The following LRRC41 variants were observed in gnomAD, a reference collection of about 807,000 sequenced individuals.
LRRC41 encodes the protein leucine rich repeat containing 41.
A neutral mutation model predicts 72.1 loss-of-function variants in LRRC41; 17 were observed. The observed-to-expected ratio is 0.24, with a 90% CI of 0.16 to 0.35. The LOEUF (loss-of-function observed/expected upper bound fraction) is 0.35. Ranked by LOEUF, LRRC41 falls within the 10% of genes least tolerant of loss-of-function variation. The pLI is 1.00. For missense variants in LRRC41, 759 were observed against 1,065.0 expected (o/e 0.71, Z 4.00); for synonymous variants, 427 against 431.0 (o/e 0.99, Z 0.11).
At chr1:46,281,058 T>C in intron 5 of LRRC41, 67 bp downstream of exon 5, 3 of 1,579,352 alleles carry the variant, frequency 1.9e-6, no homozygotes, top group Non-Finnish European at 2.6e-6. Context: ...CCCATACGAA[T>C]GCATCTGCAC....
At position 46,302,145 on chromosome 1, in the gene LRRC41, C is replaced by T. The variant is rs1369644980; in HGVS notation, c.199+979G>A. The T allele has an allele frequency of 3.0e-6, 3 of 985,238 alleles. No individual in the cohort carries two copies. The highest frequency in any genetic ancestry group is 1.7e-5 in the African/African-American group (1 of 57,234). 61.0% of individuals were successfully genotyped at this position (985,238 alleles called of 1,614,324 possible). On this transcript the variant is annotated intron_variant, in intron 1 of 9. Transcript: ENST00000617190. This position sits in a 1 kb window ranked among gnomAD's most constrained non-coding sequence, Gnocchi z 4.7. ...CCCCAGGCCGCCCTCCATCCAGGCCCGGCCCTTTGGTCCCGGCCGCCTTCA... is the reference window on the plus strand; with the variant it reads ...CCCCAGGCCGCCCTCCATCCAGGCCTGGCCCTTTGGTCCCGGCCGCCTTCA...
chr1:46,279,496 G>GCGGTTCC lies in LRRC41; in HGVS notation c.2132_2138dup (p.Leu714GlufsTer85). ...TCCCCAGGGTCTGGCCCCCACCCAG[G>GCGGTTCC]CGGTTCCCTGGCAGCCGGAGGCCCT... On this transcript the variant is annotated frameshift_variant, in exon 8 of 10. Transcript: ENST00000617190. LOFTEE classifies it high-confidence loss of function. The surrounding 1 kb of genome is among the most constrained non-coding windows in gnomAD (Gnocchi z 4.5). 6.2e-7 allele frequency: 1 copy of GCGGTTCC among 1,614,194 alleles called. No individual in the cohort carries two copies. Among genetic ancestry groups the GCGGTTCC allele is most frequent in the Non-Finnish European group, 8.5e-7 (1 of 1,180,034 alleles).
At position 46,300,406 on chromosome 1, in the gene LRRC41, A is replaced by G. The variant is rs1462101670; in HGVS notation, c.200-2036T>C. On this transcript the variant is annotated intron_variant, in intron 1 of 9. Coordinates refer to ENST00000617190, the MANE Select transcript of LRRC41 (RefSeq NM_006369.5). Reference sequence around the variant, plus strand: ...CCAGGGTCTCTTTTTATCTTTACTTACAGAATAACTGAATCTTGACATCCA... The same window carrying G: ...CCAGGGTCTCTTTTTATCTTTACTTGCAGAATAACTGAATCTTGACATCCA... The G allele has an allele frequency of 2.0e-5, 3 of 152,216 alleles. No individual in the cohort carries two copies. The East Asian group carries it at 5.8e-4, about 29-fold the overall frequency. The allele number at this position is 152,216 out of a possible 1,614,324, so 9.4% of individuals were successfully genotyped here.
chr1:46,290,858 T>G (rs1277631886), intron 3 of LRRC41, among the ~76,000 whole-genome samples: 1 of 151,384 alleles, frequency 6.6e-6, no homozygotes, highest in Non-Finnish European at 1.5e-5. Context: ...TCCACCTGCC[T>G]TGGCCTCCCA....
In LRRC41 at chr1:46,285,093, A is replaced by C; in HGVS notation, c.1495+269T>G. On this transcript the variant is annotated intron_variant, in intron 4 of 9. Transcript: ENST00000617190. The surrounding 1 kb of genome is among the most constrained non-coding windows in gnomAD (Gnocchi z 5.3). ...CCCACCTGCCCTTGGACTGCCTTCC[A>C]TATCTAAAATGTATTCATTCTTCAG... is the stretch of plus-strand genomic sequence containing the variant. 1 of 503,054 alleles carries C rather than the reference A, an allele frequency of 2.0e-6. No homozygotes were observed. Among genetic ancestry groups the C allele is most frequent in the South Asian group, 2.2e-5 (1 of 45,232 alleles). 31.2% of individuals were successfully genotyped at this position (503,054 alleles called of 1,614,324 possible).
intron 3 of LRRC41, among the ~76,000 whole-genome samples, chr1:46,289,005 A>G (rs1398155134): frequency 1.3e-5 from 2 of 152,222 alleles, no homozygotes; most frequent in Non-Finnish European, 1.5e-5. Flanking sequence ...GATGGTTATT[A>G]CAATATCTGT....
Position 46,278,086 on chromosome 1 carries a change from G to T in LRRC41, c.*779C>A. The T allele has an allele frequency of 6.2e-7, 1 of 1,614,106 alleles. No homozygotes were observed. On this transcript the variant is annotated 3_prime_UTR_variant, in exon 10 of 10. Transcript: ENST00000617190. Reference sequence around the variant, plus strand: ...TCTGTCCCTAGGTTGCACTGCCGACGTTGTGTCAACAGCCGTCAGATCCGG... The same window carrying T: ...TCTGTCCCTAGGTTGCACTGCCGACTTTGTGTCAACAGCCGTCAGATCCGG...
chr1:46,301,819 G>C (rs1368941068), intron 1 of LRRC41, among the ~76,000 whole-genome samples: 1 of 151,550 alleles, frequency 6.6e-6, no homozygotes, highest in African/African-American at 2.4e-5. Context: ...CCCGGGGCCT[G>C]CTCTCCTGCC....
intron 4 of LRRC41, among the ~76,000 whole-genome samples, chr1:46,283,449 T>C (rs1660821392): frequency 6.6e-6 from 1 of 152,168 alleles, no homozygotes; most frequent in Non-Finnish European, 1.5e-5. Context: ...GGAAACCCTG[T>C]CCTTACTAAA....
At position 46,277,562 on chromosome 1, in the gene LRRC41, A is replaced by T; in HGVS notation, c.*1303T>A. On this transcript the variant is annotated 3_prime_UTR_variant, in exon 10 of 10. Transcript: ENST00000617190. ...ACAAACCTCAGTTCACCCTGACGGG[A>T]TTTAGCCAGGCCCTGGGACCCTTCA... The T allele has an allele frequency of 1.9e-6, 1 of 530,392 alleles. No homozygotes were observed. Among genetic ancestry groups the T allele is most frequent in the South Asian group, 2.1e-5 (1 of 48,050 alleles). The allele number at this position is 530,392 out of a possible 1,614,324, so 32.9% of individuals were successfully genotyped here. A position where few individuals can be genotyped will look rare whatever the true frequency, so the allele number is the denominator to read the frequency against.
intron 3 of LRRC41, among the ~76,000 whole-genome samples, chr1:46,292,724 A>G (rs918245213): frequency 2.0e-5 from 3 of 152,112 alleles, no homozygotes; most frequent in East Asian, 3.8e-4. Context: ...TGTTTTGCAA[A>G]TATTGTTGCA....
Position 46,278,409 on chromosome 1 carries a change from C to T in LRRC41, c.*456G>A. The stretch of plus-strand genomic sequence containing the variant: ...ATCAAGAAGGGCTGCATGATGTTTG[C>T]CCAAAATTTATTTTATAAGAAAAAC... On this transcript the variant is annotated 3_prime_UTR_variant, in exon 10 of 10. Transcript: ENST00000617190. The T allele has an allele frequency of 9.0e-7, 1 of 1,114,734 alleles. No homozygotes were observed. Among genetic ancestry groups the T allele is most frequent in the Non-Finnish European group, 1.3e-6 (1 of 770,884 alleles). 69.1% of individuals were successfully genotyped at this position (1,114,734 alleles called of 1,614,324 possible).
In LRRC41 at chr1:46,302,829, A is replaced by AATCCAGCCTCAGTCGCCCGG; in HGVS notation, c.199+275_199+294dup. On this transcript the variant is annotated intron_variant, in intron 1 of 9. Transcript: ENST00000617190. This position sits in a 1 kb window ranked among gnomAD's most constrained non-coding sequence, Gnocchi z 4.7. ...GTCAGTTCGCGCGGCCCACAGCCGC[A>AATCCAGCCTCAGTCGCCCGG]ATCCAGCCTCAGTCGCCCGGGCCCA... 1 of 984,734 alleles carries AATCCAGCCTCAGTCGCCCGG rather than the reference A, an allele frequency of 1.0e-6. No homozygotes were observed. The highest frequency in any genetic ancestry group is 1.2e-6 in the Non-Finnish European group (1 of 829,762). 61.0% of individuals were successfully genotyped at this position (984,734 alleles called of 1,614,324 possible).
At chr1:46,283,133 G>C (rs1660814552) in intron 4 of LRRC41, among the ~76,000 whole-genome samples, 2 of 152,032 alleles carry the variant, frequency 1.3e-5, no homozygotes, top group East Asian at 1.9e-4. Context: ...TGAATGACAG[G>C]GTCATTTTTG....
In LRRC41 at chr1:46,302,290, G is replaced by C. The variant is rs996197697; in HGVS notation, c.199+834C>G. 1.0e-6 allele frequency: 1 copy of C among 985,294 alleles called. No homozygotes were observed. The highest frequency in any genetic ancestry group is 1.2e-6 in the Non-Finnish European group (1 of 829,864). 61.0% of individuals were successfully genotyped at this position (985,294 alleles called of 1,614,324 possible). A position where few individuals can be genotyped will look rare whatever the true frequency, so the allele number is the denominator to read the frequency against. The stretch of plus-strand genomic sequence containing the variant: ...CCGTCGCCCCGCTTGGGGCCTCCTT[G>C]GCCCTTCCCGCCTGTCCGTCATTCG... On this transcript the variant is annotated intron_variant, in intron 1 of 9. Transcript: ENST00000617190. This position sits in a 1 kb window ranked among gnomAD's most constrained non-coding sequence, Gnocchi z 4.7.
rs778686908 is a variant in LRRC41 at position 46,285,881 on chromosome 1, T to C, written c.976A>G (p.Ser326Gly). 3.8e-6 allele frequency: 6 copies of C among 1,563,564 alleles called. No individual in the cohort carries two copies. The highest frequency in any genetic ancestry group is 2.0e-5 in the Admixed American group (1 of 50,770). ...CCTGCTGTCAGGCTCTCCTGTGTGC[T>C]CCGGCGTGTTACCCGAGTGGCAGGT... ...AAPATRVTRR[S>G]TQESLTAGGT... The change falls in exon 4 of 10, where the codon AGC becomes GGC. Residue 326 changes from serine (S) to glycine (G), a missense_variant. By Grantham distance (56) the Ser-to-Gly change is moderately conservative. Coordinates refer to ENST00000617190, the MANE Select transcript of LRRC41 (RefSeq NM_006369.5). The surrounding 1 kb of genome is among the most constrained non-coding windows in gnomAD (Gnocchi z 5.3).
chr1:46,281,066 C>G, intron 5 of LRRC41, 59 bp downstream of exon 5: 1 of 1,591,920 alleles, frequency 6.3e-7, no homozygotes, highest in Non-Finnish European at 8.6e-7. Context: ...AATGCATCTG[C>G]ACCTTTGTGT....
In LRRC41 at chr1:46,277,929, T is replaced by C; in HGVS notation, c.*936A>G. On this transcript the variant is annotated 3_prime_UTR_variant, in exon 10 of 10. Coordinates refer to ENST00000617190, the MANE Select transcript of LRRC41 (RefSeq NM_006369.5). Reference sequence around the variant, plus strand: ...GAGCGCCACTTCTCTCTGGGCGAGTTGAAGGAGCTGTTTATCCTGGATGAA... The same window carrying C: ...GAGCGCCACTTCTCTCTGGGCGAGTCGAAGGAGCTGTTTATCCTGGATGAA... 6.2e-7 allele frequency: 1 copy of C among 1,614,092 alleles called. No homozygotes were observed. The highest frequency in any genetic ancestry group is 8.5e-7 in the Non-Finnish European group (1 of 1,180,018).
Position 46,285,510 on chromosome 1 carries a change from C to T in LRRC41, c.1347G>A (p.Gly449=), listed in dbSNP as rs1245328025. 1 of 1,614,138 alleles carries T rather than the reference C, an allele frequency of 6.2e-7. No homozygotes were observed. The highest frequency in any genetic ancestry group is 1.7e-5 in the Admixed American group (1 of 60,030). ...ALDGSDPSCL[G]LPALEASQRF... is the part of the protein sequence containing the mutation. ...TTTGTGAAGCTTCCAGTGCTGGAAGCCCCAGGCAGCTGGGATCTGATCCAT... is the reference window on the plus strand; with the variant it reads ...TTTGTGAAGCTTCCAGTGCTGGAAGTCCCAGGCAGCTGGGATCTGATCCAT... The change falls in exon 4 of 10, where the codon GGG becomes GGA. Residue 449 remains glycine, a synonymous_variant. Transcript: ENST00000617190. This position sits in a 1 kb window ranked among gnomAD's most constrained non-coding sequence, Gnocchi z 5.3.
Sources: allele counts gnomAD v4.1 joint callset (sites outside exome capture counted in the v4.1 genomes callset), GRCh38; gene constraint gnomAD v4.1.1; non-coding constraint Gnocchi (gnomAD v3.1); transcripts MANE v1.5; gene names NCBI Gene and HGNC (gene_info 2026-07-23, HGNC 2026-07-21).